The following CNTNAP2 variants were observed in gnomAD, a reference collection of about 807,000 sequenced individuals.
CNTNAP2 encodes contactin-associated protein-like 2.
CNTNAP2 carries 98 observed loss-of-function variants against 155.2 expected under a neutral mutation model. The ratio of observed to expected loss-of-function variants is 0.63; its 90% CI spans 0.54 to 0.75. The LOEUF (loss-of-function observed/expected upper bound fraction) is 0.75, where lower values mean the gene tolerates loss of function less well. Among genes scored for constraint, CNTNAP2 ranks in the 30% least tolerant of loss-of-function variants. The probability of loss-of-function intolerance (pLI) is 0.00; values close to 1 mark genes in which losing one functional copy is unlikely to be tolerated. For missense variants in CNTNAP2, 1,727 were observed against 1,688.1 expected (o/e 1.02, Z -0.40); for synonymous variants, 651 against 631.2 (o/e 1.03, Z -0.47).
chr7:147,328,805 T>C (rs1471594154), intron 9 of CNTNAP2, among the ~76,000 whole-genome samples: 1 of 149,144 alleles, frequency 6.7e-6, no homozygotes, highest in Non-Finnish European at 1.5e-5. Context: ...GGTGCCATAT[T>C]ACTCAGCTCT....
At chr7:146,592,249 C>G (rs1433845163) in intron 1 of CNTNAP2, among the ~76,000 whole-genome samples, 1 of 152,162 alleles carries the variant, frequency 6.6e-6, no homozygotes, top group Non-Finnish European at 1.5e-5. Flanking sequence ...ATATGGTCTT[C>G]AGGAGGAGAA....
intron 1 of CNTNAP2, among the ~76,000 whole-genome samples, chr7:146,190,091 T>C (rs895215759): frequency 6.6e-6 from 1 of 152,184 alleles, no homozygotes; most frequent in Admixed American, 6.5e-5. Flanking sequence ...AACGGAGATA[T>C]ACTTCAAAGA....
chr7:146,684,590 A>G (rs1800561501), intron 1 of CNTNAP2, among the ~76,000 whole-genome samples: 1 of 148,396 alleles, frequency 6.7e-6, no homozygotes. Context: ...GATCACCATG[A>G]CAGAATAGAA....
intron 15 of CNTNAP2, among the ~76,000 whole-genome samples, chr7:148,024,351 C>T (rs949758302): frequency 3.3e-5 from 5 of 152,244 alleles, no homozygotes; most frequent in African/African-American, 1.2e-4. Flanking sequence ...TCCTCCCTAT[C>T]TCCTAGCCAC....
chr7:147,924,989 C>G (rs969299306), intron 14 of CNTNAP2, among the ~76,000 whole-genome samples: 1 of 151,796 alleles, frequency 6.6e-6, no homozygotes, highest in Non-Finnish European at 1.5e-5. Context: ...CTTAGAGGCA[C>G]GAGCCTGTAG....
chr7:146,743,824 A>G (rs1167932765), intron 1 of CNTNAP2, among the ~76,000 whole-genome samples: 2 of 152,192 alleles, frequency 1.3e-5, no homozygotes, highest in Non-Finnish European at 2.9e-5. Flanking sequence ...TGTTACCTCC[A>G]TATTCACTTG....
chr7:148,365,569 A>T (rs1798721976), intron 21 of CNTNAP2, among the ~76,000 whole-genome samples: 1 of 152,006 alleles, frequency 6.6e-6, no homozygotes, highest in Non-Finnish European at 1.5e-5. Flanking sequence ...GGAGGCTGCA[A>T]CAGGAGAATC....
intron 21 of CNTNAP2, among the ~76,000 whole-genome samples, chr7:148,310,892 C>A (rs913369483): frequency 1.3e-5 from 2 of 152,032 alleles, no homozygotes; most frequent in Admixed American, 6.6e-5. Context: ...TGTGAGAAAA[C>A]GTTGAGTATC....
rs184269728 is a variant in CNTNAP2 at position 148,415,682 on chromosome 7, G to T, written c.*66G>T. The T allele has an allele frequency of 7.0e-6, 11 of 1,578,082 alleles. No individual in the cohort carries two copies. The African/African-American group carries it at 1.5e-4, about 21-fold the overall frequency. On this transcript the variant is annotated 3_prime_UTR_variant, in exon 24 of 24. Transcript: ENST00000361727. ...CTAGGGAGGAGAGAAAGGGACAAAA[G>T]CACCCTGCTTCATACTCTTGAGCAC...
intron 1 of CNTNAP2, among the ~76,000 whole-genome samples, chr7:146,119,932 C>T (rs1428389438): frequency 6.6e-6 from 1 of 151,510 alleles, no homozygotes; most frequent in African/African-American, 2.4e-5. Flanking sequence ...CATTTGAATA[C>T]ATGTTATAAA....
intron 21 of CNTNAP2, among the ~76,000 whole-genome samples, chr7:148,303,742 G>A (rs1353996964): frequency 2.0e-5 from 3 of 152,158 alleles, no homozygotes; most frequent in Non-Finnish European, 2.9e-5. Context: ...TCTTGAAGCC[G>A]TGGATAGAAA....
intron 1 of CNTNAP2, among the ~76,000 whole-genome samples, chr7:146,741,416 T>C (rs1801714273): frequency 3.3e-5 from 5 of 152,136 alleles, no homozygotes; most frequent in African/African-American, 9.7e-5. Context: ...CAAAGATGGG[T>C]GCCTAGACAC....
At chr7:147,777,096 A>C (rs915411899) in intron 13 of CNTNAP2, among the ~76,000 whole-genome samples, 2 of 152,242 alleles carry the variant, frequency 1.3e-5, no homozygotes, top group East Asian at 3.9e-4. Flanking sequence ...GACTATGCTT[A>C]AGTTGTTGGT....
chr7:147,160,724 A>C (rs1040424902), intron 8 of CNTNAP2, among the ~76,000 whole-genome samples: 1 of 152,112 alleles, frequency 6.6e-6, no homozygotes, highest in Non-Finnish European at 1.5e-5. Context: ...ACTTATTTTT[A>C]TTGTTGTTGA....
chr7:146,814,803 G>A (rs776024529), intron 2 of CNTNAP2, among the ~76,000 whole-genome samples: 11 of 152,178 alleles, frequency 7.2e-5, no homozygotes, highest in African/African-American at 1.7e-4. Flanking sequence ...TGCAATATCC[G>A]CTTCAAGACA....
intron 13 of CNTNAP2, among the ~76,000 whole-genome samples, chr7:147,801,200 G>A (rs1398369375): frequency 1.3e-5 from 2 of 151,146 alleles, no homozygotes; most frequent in Admixed American, 6.6e-5. Flanking sequence ...AGAATATTAT[G>A]TATCATTATT....
chr7:148,137,330 T>C (rs924855272), intron 16 of CNTNAP2, among the ~76,000 whole-genome samples: 5 of 152,228 alleles, frequency 3.3e-5, no homozygotes, highest in Non-Finnish European at 4.4e-5. Context: ...GGCACTTTTA[T>C]AGAAGTCTTT....
chr7:147,897,203 G>A (rs1007520390), intron 13 of CNTNAP2: 1 of 152,132 alleles, frequency 6.6e-6, no homozygotes, highest in Non-Finnish European at 1.5e-5. Flanking sequence ...AAAGAATACT[G>A]GGCCACACAC....
At chr7:147,016,913 C>A (rs919388914) in intron 3 of CNTNAP2, among the ~76,000 whole-genome samples, 2 of 151,766 alleles carry the variant, frequency 1.3e-5, no homozygotes. Flanking sequence ...AAAAATGTGT[C>A]CGGCCAATGG....
Sources: gnomAD v4.1 joint callset for allele counts (sites outside exome capture counted in the v4.1 genomes callset) on GRCh38, gnomAD v4.1.1 for gene constraint, MANE v1.5 for transcripts, NCBI Gene and HGNC (gene_info 2026-07-23, HGNC 2026-07-21) for gene names.